The following CERS6 variants were observed in gnomAD, a reference collection of about 807,000 sequenced individuals.
CERS6 encodes the protein LAG1 homolog, ceramide synthase 6.
In CERS6, 26 loss-of-function variants were observed where a neutral mutation model predicts 56.8. The observed-to-expected ratio is 0.46, with a 90% CI of 0.34 to 0.63. CERS6 has a LOEUF of 0.63. CERS6 is among the 30% of genes least tolerant of loss of function. The pLI, the probability that CERS6 is intolerant of heterozygous loss-of-function variation, is 0.01. For synonymous variants in CERS6, 164 were observed against 173.3 expected, an observed-to-expected ratio of 0.95 and a Z score of 0.42; for missense variants, 415 against 467.5, an observed-to-expected ratio of 0.89 and a Z score of 1.04.
intron 3 of CERS6, among the ~76,000 whole-genome samples, chr2:168,630,301 T>TAC (rs3066962): frequency 9.3e-4 from 131 of 140,120 alleles, no homozygotes; most frequent in East Asian, 8.2e-3. Flanking sequence ...GTAATAAGTA[T>TAC]ACACACACAC....
chr2:168,729,007 C>T (rs1380821728), intron 8 of CERS6, among the ~76,000 whole-genome samples: 1 of 112,674 alleles, frequency 8.9e-6, no homozygotes. Context: ...GAGACTCTGT[C>T]TCAAAAAAAA....
chr2:168,594,113 T>G (rs1683738706), intron 3 of CERS6, among the ~76,000 whole-genome samples: 1 of 152,204 alleles, frequency 6.6e-6, no homozygotes, highest in South Asian at 2.1e-4. Flanking sequence ...ACAGATAACA[T>G]CATGAATACT....
chr2:168,495,285 C>T (rs1438513807), intron 1 of CERS6, among the ~76,000 whole-genome samples: 4 of 152,202 alleles, frequency 2.6e-5, no homozygotes, highest in South Asian at 4.1e-4. Flanking sequence ...TTCTATTCTA[C>T]CATTCTCCGC....
At chr2:168,488,039 G>T (rs939963478) in intron 1 of CERS6, among the ~76,000 whole-genome samples, 1 of 152,162 alleles carries the variant, frequency 6.6e-6, no homozygotes, top group Non-Finnish European at 1.5e-5. Context: ...TGTTAGTGAG[G>T]ATGCCATGCC....
At chr2:168,709,458 A>T (rs1687035543) in intron 6 of CERS6, among the ~76,000 whole-genome samples, 1 of 152,138 alleles carries the variant, frequency 6.6e-6, no homozygotes, top group African/African-American at 2.4e-5. Context: ...AGCTACTGAA[A>T]TAAAGGTCAA....
rs757181111 is a variant in CERS6 at position 168,729,009 on chromosome 2, CAAA to C, written c.845+11050_845+11052del. On this transcript the variant is annotated intron_variant, in intron 8 of 9. Transcript: ENST00000305747. ...TGGCCGACAGAGCGAGACTCTGTCT[CAAA>C]AAAAAAAAAAAAAAAAAAGGTGCAT... Among the ~76,000 whole-genome samples the C allele has an allele frequency of 7.7e-4, 46 of 59,934 alleles. 1 individual carries two copies. The East Asian group carries it at 0.027, about 35-fold the overall frequency. 39.3% of individuals were successfully genotyped at this position (59,934 alleles called of 152,430 possible).
intron 2 of CERS6, among the ~76,000 whole-genome samples, chr2:168,554,797 C>T (rs758468259): frequency 6.6e-6 from 1 of 151,870 alleles, no homozygotes; most frequent in Non-Finnish European, 1.5e-5. Flanking sequence ...TATACAGGCA[C>T]GTATAAATAA....
At chr2:168,752,287 G>A (rs1308772753) in intron 8 of CERS6, among the ~76,000 whole-genome samples, 3 of 147,790 alleles carry the variant, frequency 2.0e-5, no homozygotes, top group Non-Finnish European at 4.5e-5. Flanking sequence ...AAATGTGTGT[G>A]TGTGTGTGTG....
chr2:168,515,090 G>T (rs1476925361), intron 1 of CERS6, among the ~76,000 whole-genome samples: 2 of 152,168 alleles, frequency 1.3e-5, no homozygotes. Flanking sequence ...GGAATAAAAT[G>T]AGATTTTAGT....
At chr2:168,514,090 A>G (rs561784724) in intron 1 of CERS6, among the ~76,000 whole-genome samples, 1 of 152,206 alleles carries the variant, frequency 6.6e-6, no homozygotes, top group Non-Finnish European at 1.5e-5. Context: ...GTTATTTGCC[A>G]TTTTCATTCT....
chr2:168,749,168 A>T (rs1277861973), intron 8 of CERS6, among the ~76,000 whole-genome samples: 3 of 152,196 alleles, frequency 2.0e-5, no homozygotes, highest in Admixed American at 2.0e-4. Context: ...TAAGCTCTAA[A>T]TATCAGGCAT....
intron 1 of CERS6, among the ~76,000 whole-genome samples, chr2:168,498,453 G>A (rs1269615676): frequency 6.6e-6 from 1 of 152,094 alleles, no homozygotes; most frequent in Admixed American, 6.5e-5. Context: ...TCCAAAGAGG[G>A]GCAAAAGGAA....
intron 8 of CERS6, among the ~76,000 whole-genome samples, chr2:168,726,826 C>T (rs1683367577): frequency 6.6e-6 from 1 of 152,130 alleles, no homozygotes. Flanking sequence ...TTATAACCTC[C>T]TACTAGTCTA....
intron 3 of CERS6, among the ~76,000 whole-genome samples, chr2:168,620,062 C>CACACATACATAT (rs1439012361): frequency 2.9e-5 from 2 of 70,078 alleles, no homozygotes; most frequent in East Asian, 6.8e-4. Flanking sequence ...CACACACACA[C>CACACATACATAT]ATATTTATAT....
At chr2:168,645,873 T>C (rs1451292550) in intron 4 of CERS6, among the ~76,000 whole-genome samples, 1 of 139,760 alleles carries the variant, frequency 7.2e-6, no homozygotes, top group Non-Finnish European at 1.5e-5. Context: ...CATGCTCTTG[T>C]TCTTTTTTCT....
intron 1 of CERS6, among the ~76,000 whole-genome samples, chr2:168,496,537 C>A (rs1486456145): frequency 6.6e-6 from 1 of 152,136 alleles, no homozygotes; most frequent in African/African-American, 2.4e-5. Flanking sequence ...ACCTGGGACA[C>A]CCGCACACAG....
intron 3 of CERS6, among the ~76,000 whole-genome samples, chr2:168,611,369 T>C (rs1295512754): frequency 2.6e-5 from 4 of 152,196 alleles, no homozygotes; most frequent in Non-Finnish European, 4.4e-5. Flanking sequence ...AGCTCCTCAA[T>C]TGCCTTAACC....
At chr2:168,555,722 C>G (rs867743149) in intron 2 of CERS6, among the ~76,000 whole-genome samples, 34 of 140,920 alleles carry the variant, frequency 2.4e-4, no homozygotes, top group African/African-American at 8.3e-4. Flanking sequence ...ATAATTGACT[C>G]TGTGTGTGTG....
intron 1 of CERS6, among the ~76,000 whole-genome samples, chr2:168,463,789 G>C (rs976082386): frequency 6.6e-6 from 1 of 152,068 alleles, no homozygotes; most frequent in Non-Finnish European, 1.5e-5. Context: ...CTCACCTGTA[G>C]TCCTAGCTAC....
Sources: allele counts gnomAD v4.1 joint callset (sites outside exome capture counted in the v4.1 genomes callset), GRCh38; gene constraint gnomAD v4.1.1; transcripts MANE v1.5; gene names NCBI Gene and HGNC (gene_info 2026-07-23, HGNC 2026-07-21).